The following NFATC1 variants were observed in gnomAD, a reference collection of about 807,000 sequenced individuals.
NFATC1 encodes nuclear factor of activated T cells 1.
NFATC1 carries 22 observed loss-of-function variants against 76.0 expected under a neutral mutation model. That is an observed-to-expected ratio of 0.29 (90% confidence interval 0.21 to 0.41). The LOEUF is 0.41. NFATC1 is among the 10% of genes least tolerant of loss of function. The probability of loss-of-function intolerance (pLI) is 1.00; values close to 1 mark genes in which losing one functional copy is unlikely to be tolerated. For missense variants in NFATC1, 1,357 were observed against 1,337.7 expected (o/e 1.01, Z -0.23); for synonymous variants, 704 against 613.1 (o/e 1.15, Z -2.19).
chr18:79,414,134 T>C (rs373738987), intron 2 of NFATC1, among the ~76,000 whole-genome samples: 4 of 152,182 alleles, frequency 2.6e-5, no homozygotes, highest in South Asian at 4.1e-4. Context: ...ACGGCAGAGA[T>C]GAAATGTTAG....
intron 2 of NFATC1, among the ~76,000 whole-genome samples, chr18:79,432,874 C>T (rs1042278350): frequency 3.3e-5 from 5 of 152,224 alleles, no homozygotes; most frequent in Non-Finnish European, 4.4e-5. Context: ...AGACAGGGGC[C>T]GTGGGGCCCC....
intron 6 of NFATC1, among the ~76,000 whole-genome samples, chr18:79,455,650 C>A (rs546417278): frequency 1.3e-5 from 2 of 152,274 alleles, no homozygotes; most frequent in South Asian, 2.1e-4. Context: ...CCCGGAGGCC[C>A]CCAGCCCAGC....
intron 8 of NFATC1, among the ~76,000 whole-genome samples, chr18:79,483,835 T>C (rs9748645): frequency 0.17 from 20,125 of 119,806 alleles, 3,830 homozygotes; most frequent in African/African-American, 0.44. Flanking sequence ...TGGGGTGTCA[T>C]TCCAGCGTGA....
rs1322632406 is a variant in NFATC1 at position 79,451,783 on chromosome 18, G to A, written c.1870G>A (p.Asp624Asn). ...CCTGTCTGGCCACAACTTCCTGCAG[G>A]ACTCCAAGGTCATTTTCGTGGAGAA... The part of the protein sequence containing the change: ...MVLSGHNFLQ[D>N]SKVIFVEKAP... Residue 624 changes from aspartate (D) to asparagine (N), a missense_variant, in exon 6 of 10, where the codon GAC becomes AAC. Around this residue, in one of 3 missense-constraint regions of NFATC1, gnomAD observed 242 missense variants for 329.2 expected, o/e 0.74. Coordinates refer to ENST00000427363, the MANE Select transcript of NFATC1 (RefSeq NM_001278669.2). The A allele has an allele frequency of 6.2e-7, 1 of 1,612,724 alleles. No homozygotes were observed. The highest frequency in any genetic ancestry group is 8.5e-7 in the Non-Finnish European group (1 of 1,179,446).
At chr18:79,439,124 T>G (rs1400466095) in intron 3 of NFATC1, among the ~76,000 whole-genome samples, 1 of 152,166 alleles carries the variant, frequency 6.6e-6, no homozygotes, top group East Asian at 1.9e-4. Flanking sequence ...GTGGACAGAT[T>G]ACCACAGCAC....
In NFATC1 at chr18:79,448,817, G is replaced by A. The variant is rs1274059636; in HGVS notation, c.1422G>A (p.Leu474=). 2 of 1,613,814 alleles carry A rather than the reference G, an allele frequency of 1.2e-6. No individual in the cohort carries two copies. The highest frequency in any genetic ancestry group is 1.7e-6 in the Non-Finnish European group (2 of 1,180,042). Residue 474 remains leucine (L), a synonymous_variant, in exon 4 of 10, where the codon CTG becomes CTA. Coordinates refer to ENST00000427363, the MANE Select transcript of NFATC1 (RefSeq NM_001278669.2). Reference sequence around the variant, plus strand: ...ACTTGGAGAATGAGCCGCTGATGCTGCAGCTTTTCATTGGGACGGCGGACG... The same window carrying A: ...ACTTGGAGAATGAGCCGCTGATGCTACAGCTTTTCATTGGGACGGCGGACG... ...HGYLENEPLM[L]QLFIGTADDR...
chr18:79,453,700 A>G lies in NFATC1; in HGVS notation c.1903+1884A>G, dbSNP rs573836285. ...GCGTCTGGTATACAGCAGGTGAGCCATAAATGAATAGGTGCTGTGCTCGAG... is the reference window on the plus strand; with the variant it reads ...GCGTCTGGTATACAGCAGGTGAGCCGTAAATGAATAGGTGCTGTGCTCGAG... On this transcript the variant is annotated intron_variant, in intron 6 of 9. Transcript: ENST00000427363. 2.0e-4 allele frequency among the ~76,000 whole-genome samples: 31 copies of G among 152,406 alleles called. 1 individual carries two copies. The South Asian group carries it at 6.0e-3, about 30-fold the overall frequency.
intron 9 of NFATC1, among the ~76,000 whole-genome samples, chr18:79,510,666 C>G (rs983187513): frequency 6.6e-6 from 1 of 152,234 alleles, no homozygotes; most frequent in South Asian, 2.1e-4. Flanking sequence ...TTGCCAGGCT[C>G]GGTTTCCAAG....
In NFATC1 at chr18:79,411,476, C is replaced by A. The variant is rs570950086; in HGVS notation, c.1201C>A (p.Pro401Thr). Reference protein sequence around the residue: ...QHPYQWAKPKPLSPTSYMSPT... With the variant: ...QHPYQWAKPKTLSPTSYMSPT... ...CCCCTACCAGTGGGCGAAGCCCAAGCCCCTGTCCCCTACGTCCTACATGAG... is the reference window on the plus strand; with the variant it reads ...CCCCTACCAGTGGGCGAAGCCCAAGACCCTGTCCCCTACGTCCTACATGAG... Residue 401 changes from proline to threonine, a missense_variant, in exon 2 of 10, where the codon CCC becomes ACC. Pro to Thr is a conservative substitution (Grantham distance 38). Around this residue, in one of 3 missense-constraint regions of NFATC1, gnomAD observed 691 missense variants for 613.1 expected, o/e 1.13. Coordinates refer to ENST00000427363, the MANE Select transcript of NFATC1 (RefSeq NM_001278669.2). 1.2e-5 allele frequency: 18 copies of A among 1,513,456 alleles called. No homozygotes were observed. Among genetic ancestry groups the A allele is most frequent in the African/African-American group, 1.4e-5 (1 of 71,526 alleles). The allele number at this position is 1,513,456 out of a possible 1,614,324, so 93.8% of individuals were successfully genotyped here. A position where few individuals can be genotyped will look rare whatever the true frequency, so the allele number is the denominator to read the frequency against.
intron 3 of NFATC1, among the ~76,000 whole-genome samples, chr18:79,441,334 G>A (rs903558389): frequency 6.6e-6 from 1 of 151,920 alleles, no homozygotes; most frequent in South Asian, 2.1e-4. Flanking sequence ...TGTAGCTGTC[G>A]GGCTCTGGAG....
chr18:79,496,287 T>G (rs1168850276), intron 9 of NFATC1: 1 of 152,522 alleles, frequency 6.6e-6, no homozygotes, highest in East Asian at 1.9e-4. Flanking sequence ...ACAGACACGC[T>G]TAGATCTGTG....
chr18:79,462,398 G>A (rs769923133), intron 7 of NFATC1, among the ~76,000 whole-genome samples: 3 of 152,092 alleles, frequency 2.0e-5, no homozygotes, highest in South Asian at 2.1e-4. Flanking sequence ...GTGCAGTGGC[G>A]TGATCTCGGC....
intron 6 of NFATC1, among the ~76,000 whole-genome samples, chr18:79,457,091 T>C (rs1408137634): frequency 1.3e-5 from 2 of 152,252 alleles, no homozygotes; most frequent in Admixed American, 1.3e-4. Flanking sequence ...CAGACATCAC[T>C]GTCGCCGTGT....
intron 1 of NFATC1, among the ~76,000 whole-genome samples, chr18:79,400,674 G>T (rs1389998020): frequency 1.6e-5 from 1 of 63,960 alleles, no homozygotes; most frequent in African/African-American, 4.3e-5. Context: ...AGCGCTCGCG[G>T]CGGGGTCCTG....
chr18:79,464,747 C>T (rs2088379198), intron 7 of NFATC1, among the ~76,000 whole-genome samples: 1 of 139,532 alleles, frequency 7.2e-6, no homozygotes, highest in Admixed American at 7.3e-5. Context: ...GCTGTGTCAT[C>T]CAGGCTGGAG....
At position 79,451,732 on chromosome 18, in the gene NFATC1, C is replaced by G; in HGVS notation, c.1819C>G (p.Pro607Ala). 1.9e-6 allele frequency: 3 copies of G among 1,613,092 alleles called. No homozygotes were observed. Among genetic ancestry groups the G allele is most frequent in the East Asian group, 2.2e-5 (1 of 44,808 alleles). Residue 607 changes from proline to alanine, a missense_variant, in exon 6 of 10, where the codon CCG becomes GCG. This residue lies in a region of NFATC1 where 242 missense variants were observed against 329.2 expected (regional missense o/e 0.74). Coordinates refer to ENST00000427363, the MANE Select transcript of NFATC1 (RefSeq NM_001278669.2). Reference protein sequence around the residue: ...LVEKQSTDSYPVVGGKKMVLS... With the variant: ...LVEKQSTDSYAVVGGKKMVLS... ...GGAGAAGCAGAGCACGGACAGCTATCCGGTCGTGGGCGGGAAGAAGATGGT... is the reference window on the plus strand; with the variant it reads ...GGAGAAGCAGAGCACGGACAGCTATGCGGTCGTGGGCGGGAAGAAGATGGT...
chr18:79,472,824 C>T (rs967236533), intron 8 of NFATC1, among the ~76,000 whole-genome samples: 4 of 152,244 alleles, frequency 2.6e-5, no homozygotes, highest in Non-Finnish European at 4.4e-5. Flanking sequence ...GGCCTCGCGG[C>T]GCTCTGGGTT....
At chr18:79,464,080 G>T (rs2088297865) in intron 7 of NFATC1, among the ~76,000 whole-genome samples, 1 of 152,164 alleles carries the variant, frequency 6.6e-6, no homozygotes, top group Non-Finnish European at 1.5e-5. Context: ...CAAGTTTACT[G>T]GTTGTTTTTT....
intron 1 of NFATC1, among the ~76,000 whole-genome samples, chr18:79,406,191 A>T (rs1270207536): frequency 6.6e-6 from 1 of 152,218 alleles, no homozygotes; most frequent in African/African-American, 2.4e-5. Flanking sequence ...AATTCTTCAG[A>T]ATTACCTTTC....
Sources: gnomAD v4.1 joint callset for allele counts (sites outside exome capture counted in the v4.1 genomes callset) on GRCh38, gnomAD v4.1.1 for gene constraint, gnomAD v4.1.1 regional missense constraint, MANE v1.5 for transcripts, NCBI Gene and HGNC (gene_info 2026-07-23, HGNC 2026-07-21) for gene names.